TFDP1: variants seen among roughly 807,000 people sequenced by gnomAD.
TFDP1 encodes the protein transcription factor Dp-1.
A neutral mutation model predicts 48.0 loss-of-function variants in TFDP1; 6 were observed. The observed-to-expected ratio is 0.13, with a 90% confidence interval of 0.07 to 0.25. The LOEUF is 0.25. Ranked by LOEUF, TFDP1 falls within the 10% of genes least tolerant of loss-of-function variation. The probability of loss-of-function intolerance (pLI) is 1.00; values close to 1 mark genes in which losing one functional copy is unlikely to be tolerated. For synonymous variants in TFDP1, 201 were observed against 211.6 expected, an observed-to-expected ratio of 0.95 and a Z score of 0.44; for missense variants, 335 against 543.0, an observed-to-expected ratio of 0.62 and a Z score of 3.81.
intron 3 of TFDP1, among the ~76,000 whole-genome samples, chr13:113,612,160 T>C (rs2048724090): frequency 6.6e-6 from 1 of 152,232 alleles, no homozygotes; most frequent in Non-Finnish European, 1.5e-5. Context: ...CCCGTCCCTT[T>C]CTGTCCAGTG....
intron 9 of TFDP1, 40 bp from the exon 10 acceptor site, chr13:113,636,494 T>G: frequency 1.2e-6 from 2 of 1,606,134 alleles, no homozygotes; most frequent in Non-Finnish European, 1.7e-6. Context: ...CCGTCTCCGC[T>G]GGGAGACCCT....
chr13:113,604,408 G>A (rs1245598467), intron 2 of TFDP1, among the ~76,000 whole-genome samples: 1 of 152,176 alleles, frequency 6.6e-6, no homozygotes, highest in Non-Finnish European at 1.5e-5. Flanking sequence ...AAGTTCTAAA[G>A]TGTCAGTAGA....
intron 5 of TFDP1, chr13:113,631,973 T>C (rs2049349136): frequency 1.8e-6 from 1 of 560,014 alleles, no homozygotes; most frequent in South Asian, 2.3e-5. Flanking sequence ...CCCCGCTTTG[T>C]GTCTGGTGTA....
Position 113,631,680 on chromosome 13 carries a change from C to T in TFDP1, c.244C>T (p.His82Tyr), listed in dbSNP as rs1478792480. Reference sequence around the variant, plus strand: ...AAACACCCTGGTGGTAGGAAGCCCACACACCCCCAGCACTCACTTTGCCTC... The same window carrying T: ...AAACACCCTGGTGGTAGGAAGCCCATACACCCCCAGCACTCACTTTGCCTC... ...ASNTLVVGSPHTPSTHFASQN... is the reference protein window; with the variant it reads ...ASNTLVVGSPYTPSTHFASQN... Residue 82 changes from histidine (H) to tyrosine (Y), a missense_variant, in exon 5 of 12, where the codon CAC (histidine) becomes TAC (tyrosine). His to Tyr is a moderately conservative substitution (Grantham distance 83). This residue lies in a region of TFDP1 where 103 missense variants were observed against 140.4 expected (regional missense o/e 0.73). Transcript: ENST00000375370. The T allele has an allele frequency of 6.2e-7, 1 of 1,614,076 alleles. No homozygotes were observed. The highest frequency in any genetic ancestry group is 8.5e-7 in the Non-Finnish European group (1 of 1,180,030).
intron 2 of TFDP1, among the ~76,000 whole-genome samples, chr13:113,605,011 T>TC (rs2048529653): frequency 6.6e-6 from 1 of 152,222 alleles, no homozygotes; most frequent in South Asian, 2.1e-4. Flanking sequence ...TGGCTGAGCT[T>TC]CCTCTTGGCT....
At position 113,607,520 on chromosome 13, in the gene TFDP1, C is replaced by G. The variant is rs1349481986; in HGVS notation, c.13-3476C>G. Reference sequence around the variant, plus strand: ...CTTGTGTCAGCAGTGCGACACTGGCCCACGTGTCGTCCTTGTTCTCTCCTC... The same window carrying G: ...CTTGTGTCAGCAGTGCGACACTGGCGCACGTGTCGTCCTTGTTCTCTCCTC... On this transcript the variant is annotated intron_variant, in intron 2 of 11. Coordinates refer to ENST00000375370, the MANE Select transcript of TFDP1 (RefSeq NM_007111.5). This position sits in a 1 kb window ranked among gnomAD's most constrained non-coding sequence, Gnocchi z 5.2. 6.6e-6 allele frequency among the ~76,000 whole-genome samples: 1 copy of G among 152,212 alleles called. No homozygotes were observed. Among genetic ancestry groups the G allele is most frequent in the Admixed American group, 6.5e-5 (1 of 15,288 alleles).
rs115148365 is a variant in TFDP1, at chr13:113,607,766, C to T, written c.13-3230C>T. The stretch of plus-strand genomic sequence containing the variant: ...GGGCTGTGCCAGTGGGTGGCGGTGA[C>T]GGGGGCCAGTGGTTTCCTGGACCTG... On this transcript the variant is annotated intron_variant, in intron 2 of 11. Coordinates refer to ENST00000375370, the MANE Select transcript of TFDP1 (RefSeq NM_007111.5). This position sits in a 1 kb window ranked among gnomAD's most constrained non-coding sequence, Gnocchi z 5.2. Among the ~76,000 whole-genome samples the T allele has an allele frequency of 4.6e-3, 706 of 152,254 alleles. 6 individuals carry two copies. The highest frequency in any genetic ancestry group is 0.016 in the African/African-American group (660 of 41,564).
At chr13:113,629,252 G>T (rs1428999035) in intron 4 of TFDP1, among the ~76,000 whole-genome samples, 1 of 152,222 alleles carries the variant, frequency 6.6e-6, no homozygotes, top group Non-Finnish European at 1.5e-5. Context: ...TAAAGCAGGA[G>T]AGTAAGGAGA....
rs144663486 is a variant in TFDP1, at chr13:113,629,675, G to T, written c.187-1948G>T. Among the ~76,000 whole-genome samples, 355 of 152,320 alleles carry T rather than the reference G, an allele frequency of 2.3e-3. 3 individuals carry two copies. The highest frequency in any genetic ancestry group is 7.5e-3 in the African/African-American group (311 of 41,572). On this transcript the variant is annotated intron_variant, in intron 4 of 11. Transcript: ENST00000375370. ...GCTGGCTAAGCTGTGATGTGTGGTA[G>T]GAGAGGTGGATGACGTGCATTTCGA...
At chr13:113,595,908 C>T (rs1242063437) in intron 2 of TFDP1, among the ~76,000 whole-genome samples, 2 of 152,174 alleles carry the variant, frequency 1.3e-5, no homozygotes, top group East Asian at 1.9e-4. Flanking sequence ...TGGTGAAACC[C>T]CGTCTCTACT....
chr13:113,611,907 T>G (rs772570344), intron 3 of TFDP1, among the ~76,000 whole-genome samples: 5 of 152,224 alleles, frequency 3.3e-5, no homozygotes, highest in Non-Finnish European at 5.9e-5. Context: ...CTGAGTGCCC[T>G]GGTCGCAACA....
At chr13:113,593,704 G>A (rs1594408530) in intron 2 of TFDP1, among the ~76,000 whole-genome samples, 1 of 123,872 alleles carries the variant, frequency 8.1e-6, no homozygotes, top group Non-Finnish European at 1.7e-5. Flanking sequence ...GACAGGTGTG[G>A]TGTACGTGGG....
At chr13:113,604,179 G>C (rs954324706) in intron 2 of TFDP1, among the ~76,000 whole-genome samples, 8 of 132,564 alleles carry the variant, frequency 6.0e-5, no homozygotes, top group African/African-American at 1.8e-4. Context: ...AAAAAAAAAA[G>C]GCAAATTAAA....
At chr13:113,624,371 G>A (rs183213835) in intron 4 of TFDP1, among the ~76,000 whole-genome samples, 218 of 147,148 alleles carry the variant, frequency 1.5e-3, no homozygotes, top group African/African-American at 5.1e-3. Flanking sequence ...GCATCCTCAC[G>A]TGTCCCCAGG....
chr13:113,600,470 G>A (rs2048392334), intron 2 of TFDP1, among the ~76,000 whole-genome samples: 1 of 151,046 alleles, frequency 6.6e-6, no homozygotes, highest in African/African-American at 2.4e-5. Context: ...CTGCAAGAGA[G>A]AACCCAGAAC....
chr13:113,613,407 T>C (rs1024343173), intron 3 of TFDP1, among the ~76,000 whole-genome samples: 2 of 152,258 alleles, frequency 1.3e-5, no homozygotes, highest in African/African-American at 2.4e-5. Context: ...TTTCCTTTTT[T>C]CCTCTTCTGT....
chr13:113,592,238 C>G (rs1331634257), intron 2 of TFDP1, among the ~76,000 whole-genome samples: 4 of 152,388 alleles, frequency 2.6e-5, no homozygotes, highest in East Asian at 1.9e-4. Flanking sequence ...TCACCACAAC[C>G]TCTGTCTCCC....
chr13:113,587,759 C>T (rs1024813442), intron 2 of TFDP1, among the ~76,000 whole-genome samples: 3 of 152,068 alleles, frequency 2.0e-5, no homozygotes, highest in Non-Finnish European at 2.9e-5. Context: ...CCACCGCGCC[C>T]GGCCTAGCTA....
intron 3 of TFDP1, among the ~76,000 whole-genome samples, chr13:113,622,903 G>A (rs1048817381): frequency 1.8e-4 from 28 of 152,254 alleles, no homozygotes; most frequent in Admixed American, 1.3e-4. Flanking sequence ...CCACCAGCAC[G>A]TTCCATAGCA....
Sources: allele counts gnomAD v4.1 joint callset (sites outside exome capture counted in the v4.1 genomes callset), GRCh38; gene constraint gnomAD v4.1.1; regional missense constraint gnomAD v4.1.1; non-coding constraint Gnocchi (gnomAD v3.1); transcripts MANE v1.5; gene names NCBI Gene and HGNC (gene_info 2026-07-23, HGNC 2026-07-21).